The following CCDC146 variants were observed in gnomAD, a reference collection of about 807,000 sequenced individuals.
CCDC146 encodes the protein coiled-coil domain-containing protein 146.
A neutral mutation model predicts 119.3 loss-of-function variants in CCDC146; 92 were observed. The ratio of observed to expected loss-of-function variants is 0.77; its 90% confidence interval spans 0.65 to 0.92. The LOEUF (loss-of-function observed/expected upper bound fraction) is 0.92, where lower values mean the gene tolerates loss of function less well. CCDC146 is among the 40% of genes least tolerant of loss of function. The pLI is 0.00. For missense variants in CCDC146, 1,000 were observed against 1,103.0 expected (o/e 0.91, Z 1.32); for synonymous variants, 372 against 371.8 (o/e 1.00, Z -0.01).
chr7:77,237,188 G>T (rs374292865), intron 3 of CCDC146, 159 bp downstream of exon 3: 124 of 612,452 alleles, frequency 2.0e-4, no homozygotes, highest in African/African-American at 1.7e-3. Context: ...TCGTGAGAGA[G>T]TGGGGAAGTG....
At chr7:77,123,508 A>G (rs1790654698) in intron 1 of CCDC146, among the ~76,000 whole-genome samples, 1 of 147,030 alleles carries the variant, frequency 6.8e-6, no homozygotes, top group Admixed American at 6.8e-5. Context: ...AGAAAGATTT[A>G]TTTTCTTCTT....
At chr7:77,260,622 G>A (rs1793275637) in intron 8 of CCDC146, among the ~76,000 whole-genome samples, 2 of 152,078 alleles carry the variant, frequency 1.3e-5, no homozygotes, top group Non-Finnish European at 1.5e-5. Flanking sequence ...AGAGTTTTAT[G>A]TCCTGCTTTT....
intron 14 of CCDC146, among the ~76,000 whole-genome samples, chr7:77,281,469 T>G (rs1793763352): frequency 1.3e-5 from 2 of 152,326 alleles, no homozygotes; most frequent in South Asian, 4.1e-4. Context: ...TCTGAGAAAT[T>G]GGAATGTGAA....
At chr7:77,172,145 A>G (rs1365673303) in intron 2 of CCDC146, among the ~76,000 whole-genome samples, 1 of 152,202 alleles carries the variant, frequency 6.6e-6, no homozygotes, top group Non-Finnish European at 1.5e-5. Flanking sequence ...AATATTCAGA[A>G]TTATTGGATT....
At chr7:77,191,104 G>A (rs2150424116) in intron 2 of CCDC146, among the ~76,000 whole-genome samples, 1 of 152,172 alleles carries the variant, frequency 6.6e-6, no homozygotes, top group Middle Eastern at 3.4e-3. Flanking sequence ...TCATGGATAG[G>A]TTCTTGGAAA....
chr7:77,148,024 C>T (rs1237660608), intron 1 of CCDC146, among the ~76,000 whole-genome samples: 1 of 152,220 alleles, frequency 6.6e-6, no homozygotes, highest in Non-Finnish European at 1.5e-5. Context: ...CCTACAGAGG[C>T]AGGCAGGCCT....
intron 1 of CCDC146, among the ~76,000 whole-genome samples, chr7:77,160,070 G>C (rs761379789): frequency 6.6e-5 from 10 of 152,202 alleles, no homozygotes; most frequent in Admixed American, 3.9e-4. Context: ...TCAAAGATCA[G>C]ATAGTTGTAG....
intron 2 of CCDC146, among the ~76,000 whole-genome samples, chr7:77,190,594 A>G (rs931353402): frequency 2.0e-5 from 3 of 152,218 alleles, no homozygotes; most frequent in Non-Finnish European, 2.9e-5. Context: ...GGGAGGGACT[A>G]CTTCAAAAAG....
chr7:77,207,010 TA>T (rs1792094256), intron 2 of CCDC146, among the ~76,000 whole-genome samples: 1 of 152,176 alleles, frequency 6.6e-6, no homozygotes, highest in African/African-American at 2.4e-5. Flanking sequence ...TAAAGATTCT[TA>T]ACTTTATCTT....
At chr7:77,200,930 A>C (rs779138704) in intron 2 of CCDC146, among the ~76,000 whole-genome samples, 6 of 152,188 alleles carry the variant, frequency 3.9e-5, no homozygotes, top group Admixed American at 3.3e-4. Context: ...ATGGGCAAAA[A>C]TCTAAATGTT....
In CCDC146 at chr7:77,294,794, TTTTA is replaced by T. The variant is rs753984661; in HGVS notation, c.2797_2800del (p.Phe933AsnfsTer9). 8 of 1,614,014 alleles carry T rather than the reference TTTTA, an allele frequency of 5.0e-6. No individual in the cohort carries two copies. The highest frequency in any genetic ancestry group is 5.9e-6 in the Non-Finnish European group (7 of 1,180,014). ...CAAAACCTTATGGTGCTTTGGCTCCTTTTAAACCCAGTGAACCTGGAGCCAATAT... is the reference window on the plus strand; with the variant it reads ...CAAAACCTTATGGTGCTTTGGCTCCTAACCCAGTGAACCTGGAGCCAATAT... On this transcript the variant is annotated frameshift_variant, in exon 19 of 19. Transcript: ENST00000285871. LOFTEE classifies it high-confidence loss of function.
chr7:77,294,146 C>T (rs1280718026), intron 18 of CCDC146, among the ~76,000 whole-genome samples: 2 of 152,182 alleles, frequency 1.3e-5, no homozygotes, highest in African/African-American at 4.8e-5. Flanking sequence ...TCCTCTGGTT[C>T]CACTTTACTC....
intron 2 of CCDC146, among the ~76,000 whole-genome samples, chr7:77,235,486 C>A (rs1307772660): frequency 1.3e-5 from 2 of 152,076 alleles, no homozygotes; most frequent in Non-Finnish European, 2.9e-5. Context: ...TCAAAGGCAG[C>A]CAGTGTGGCA....
chr7:77,248,934 T>C (rs987609833), intron 4 of CCDC146, among the ~76,000 whole-genome samples: 3 of 152,252 alleles, frequency 2.0e-5, no homozygotes, highest in Admixed American at 6.5e-5. Flanking sequence ...ATTTCTTTTG[T>C]TTGTTAATCT....
chr7:77,223,078 A>T (rs544469427), intron 2 of CCDC146, among the ~76,000 whole-genome samples: 3 of 152,182 alleles, frequency 2.0e-5, no homozygotes, highest in Non-Finnish European at 2.9e-5. Flanking sequence ...ACAGAGGCAT[A>T]TGGGTTTCAG....
chr7:77,133,743 G>T (rs1790820264), intron 1 of CCDC146, among the ~76,000 whole-genome samples: 1 of 150,046 alleles, frequency 6.7e-6, no homozygotes, highest in African/African-American at 2.5e-5. Context: ...CTGGTTTGGG[G>T]TTCTTCATGT....
rs1562860905 is a variant in CCDC146, at chr7:77,280,425, A to C, written c.1695-4A>C. 1 of 1,602,864 alleles carries C rather than the reference A, an allele frequency of 6.2e-7. No individual in the cohort carries two copies. Among genetic ancestry groups the C allele is most frequent in the Non-Finnish European group, 8.5e-7 (1 of 1,175,882 alleles). ...TCTTACCCATTGTCTTATTACTTTA[A>C]AAGAAAGCTACAAAATTCCATGCTG... On this transcript the variant is annotated splice_polypyrimidine_tract_variant and splice_region_variant and intron_variant, in intron 13 of 18. Transcript: ENST00000285871.
At chr7:77,259,719 G>T (rs1793251791) in intron 7 of CCDC146, among the ~76,000 whole-genome samples, 1 of 152,260 alleles carries the variant, frequency 6.6e-6, no homozygotes, top group Admixed American at 6.5e-5. Flanking sequence ...TCAGGACGAG[G>T]GTTGAATCAC....
intron 3 of CCDC146, among the ~76,000 whole-genome samples, chr7:77,239,486 A>G (rs1380343093): frequency 6.6e-6 from 1 of 152,256 alleles, no homozygotes; most frequent in Non-Finnish European, 1.5e-5. Context: ...AAAACCTGGG[A>G]AAATGGATGT....
Sources: allele counts gnomAD v4.1 joint callset (sites outside exome capture counted in the v4.1 genomes callset), GRCh38; gene constraint gnomAD v4.1.1; transcripts MANE v1.5; gene names NCBI Gene and HGNC (gene_info 2026-07-23, HGNC 2026-07-21).